Variants in NPY1R observed in about 807,000 individuals in gnomAD.
NPY1R encodes neuropeptide Y receptor Y1, also known as neuropeptide Y receptor type 1.
Under a neutral mutation model 24.1 loss-of-function variants are expected in NPY1R, and 10 were observed. The ratio of observed to expected loss-of-function variants is 0.42; its 90% confidence interval spans 0.26 to 0.71. NPY1R has a LOEUF of 0.71. NPY1R is among the 30% of genes least tolerant of loss of function. The pLI, the probability that NPY1R is intolerant of heterozygous loss-of-function variation, is 0.28. For synonymous variants in NPY1R, 168 were observed against 165.9 expected, an observed-to-expected ratio of 1.01 and a Z score of -0.10; for missense variants, 350 against 458.0, an observed-to-expected ratio of 0.76 and a Z score of 2.15.
At chr4:163,341,089 G>T (rs543398558) in intron 1 of NPY1R, among the ~76,000 whole-genome samples, 2 of 146,412 alleles carry the variant, frequency 1.4e-5, no homozygotes, top group East Asian at 2.0e-4. Flanking sequence ...TAGCTTTTGG[G>T]TTTTTTTTTT....
At chr4:163,328,470 T>C (rs1169057559) in intron 1 of NPY1R, among the ~76,000 whole-genome samples, 1 of 152,244 alleles carries the variant, frequency 6.6e-6, no homozygotes, top group Non-Finnish European at 1.5e-5. Context: ...TTAACATGAC[T>C]TATCAATTAA....
chr4:163,325,265 A>T lies in NPY1R; in HGVS notation c.*38T>A. On this transcript the variant is annotated 3_prime_UTR_variant, in exon 3 of 3. Coordinates refer to ENST00000296533, the MANE Select transcript of NPY1R (RefSeq NM_000909.6). ...TATGTTGCAGGTTGTGCTTGTTTTT[A>T]AACAGATGTCATCCGGGACCATAGG... is the stretch of plus-strand genomic sequence containing the variant. 1 of 1,451,394 alleles carries T rather than the reference A, an allele frequency of 6.9e-7. No individual in the cohort carries two copies. The highest frequency in any genetic ancestry group is 9.5e-7 in the Non-Finnish European group (1 of 1,057,968). The allele number at this position is 1,451,394 out of a possible 1,614,324, so 89.9% of individuals were successfully genotyped here.
At chr4:163,335,679 A>G (rs1734825411), upstream of NPY1R, among the ~76,000 whole-genome samples, 1 of 152,152 alleles carries the variant, frequency 6.6e-6, no homozygotes, top group Non-Finnish European at 1.5e-5. Flanking sequence ...GAAGCACGTC[A>G]GTGAATCAGT....
At position 163,332,471 on chromosome 4, in the gene NPY1R, T is replaced by G. The variant is rs1388512467; in HGVS notation, c.-152+11A>C. 1 of 152,230 alleles carries G rather than the reference T, an allele frequency of 6.6e-6. No individual in the cohort carries two copies. Among genetic ancestry groups the G allele is most frequent in the African/African-American group, 2.4e-5 (1 of 41,440 alleles). 9.4% of individuals were successfully genotyped at this position (152,230 alleles called of 1,614,324 possible). On this transcript the variant is annotated intron_variant, in intron 1 of 2. Transcript: ENST00000296533. ...CAGAAGTCTCTGGAAAGGCATAAAC[T>G]CGCAACTTACCCTCTTTGGAATTTG...
At chr4:163,338,569 T>C (rs1734900602) in intron 1 of NPY1R, among the ~76,000 whole-genome samples, 1 of 152,148 alleles carries the variant, frequency 6.6e-6, no homozygotes, top group African/African-American at 2.4e-5. Flanking sequence ...GTTCTCTTGC[T>C]AGGAGGGACT....
intron 1 of NPY1R, among the ~76,000 whole-genome samples, chr4:163,329,812 A>G (rs926986974): frequency 7.5e-6 from 1 of 132,984 alleles, no homozygotes; most frequent in Non-Finnish European, 1.7e-5. Context: ...TGGTGTGCTA[A>G]GTAGCAATAA....
intron 1 of NPY1R, among the ~76,000 whole-genome samples, chr4:163,340,134 A>C (rs767561485): frequency 1.3e-5 from 2 of 152,076 alleles, no homozygotes; most frequent in Non-Finnish European, 2.9e-5. Flanking sequence ...ATTAGATTTA[A>C]AATATTAACT....
chr4:163,343,477 T>C (rs529956170), intron 1 of NPY1R, among the ~76,000 whole-genome samples: 1 of 152,112 alleles, frequency 6.6e-6, no homozygotes, highest in African/African-American at 2.4e-5. Context: ...TCTTTCTTTC[T>C]ATCACCACAC....
At chr4:163,341,103 CA>C (rs199720890) in intron 1 of NPY1R, among the ~76,000 whole-genome samples, 7 of 146,848 alleles carry the variant, frequency 4.8e-5, no homozygotes, top group Non-Finnish European at 6.0e-5. Flanking sequence ...TTTTTTTGTT[CA>C]AAAAAAAATC....
intron 1 of NPY1R, among the ~76,000 whole-genome samples, chr4:163,330,047 T>C (rs1687684388): frequency 6.6e-6 from 1 of 152,046 alleles, no homozygotes; most frequent in Admixed American, 6.5e-5. Context: ...AGAGAAGAAA[T>C]GGGGAGATTC....
chr4:163,337,083 ATCC>A (rs980654132), upstream of NPY1R, among the ~76,000 whole-genome samples: 1 of 152,186 alleles, frequency 6.6e-6, no homozygotes, highest in African/African-American at 2.4e-5. Context: ...TAAGGTAAGT[ATCC>A]TCCTTTCATT....
chr4:163,342,788 T>C (rs1735023738), intron 1 of NPY1R, among the ~76,000 whole-genome samples: 1 of 152,056 alleles, frequency 6.6e-6, no homozygotes, highest in Non-Finnish European at 1.5e-5. Flanking sequence ...TCCCAAGGGG[T>C]ACAGTTCTCT....
upstream of NPY1R, among the ~76,000 whole-genome samples, chr4:163,336,977 T>C (rs1039932970): frequency 7.2e-5 from 9 of 125,464 alleles, no homozygotes; most frequent in African/African-American, 2.3e-4. Flanking sequence ...AATAAACAAA[T>C]AAATAGGAGA....
At position 163,342,658 on chromosome 4, in the gene NPY1R, T is replaced by C. The variant is rs564358791; in HGVS notation, c.-152+1647A>G. ...CTTTGACTGATGAAATAGCAATCTA[T>C]ACAGATCCCCTGAGTATTGAATGCT... On this transcript the variant is annotated intron_variant, in intron 1 of 1. Coordinates refer to the NPY1R transcript ENST00000511901. Among the ~76,000 whole-genome samples the C allele has an allele frequency of 3.9e-5, 6 of 152,266 alleles. No homozygotes were observed. The East Asian group carries it at 7.7e-4, about 20-fold the overall frequency.
chr4:163,331,187 A>G (rs1486228686), intron 1 of NPY1R: 1 of 152,322 alleles, frequency 6.6e-6, no homozygotes, highest in Non-Finnish European at 1.5e-5. Context: ...CTGACAGACA[A>G]GCTCCACATG....
In NPY1R at chr4:163,326,337, T is replaced by C; in HGVS notation, c.218A>G (p.Asn73Ser). The C allele has an allele frequency of 1.1e-5, 18 of 1,614,084 alleles. No individual in the cohort carries two copies. Among genetic ancestry groups the C allele is most frequent in the Non-Finnish European group, 1.4e-5 (17 of 1,179,926 alleles). Residue 73 changes from asparagine (N) to serine (S), a missense_variant, in exon 2 of 3, where the codon AAT (asparagine) becomes AGT (serine). Asn to Ser is a conservative substitution (Grantham distance 46). Transcript: ENST00000296533. ...IIILKQKEMR[N>S]VTNILIVNLS... ...GTTCACAATCAGGATGTTGGTAACA[T>C]TTCTCATCTCCTTTTGTTTCAAGAT...
intron 1 of NPY1R, among the ~76,000 whole-genome samples, chr4:163,331,580 A>C (rs899521265): frequency 3.9e-5 from 6 of 152,100 alleles, no homozygotes; most frequent in African/African-American, 1.4e-4. Context: ...GAGAAAAGAT[A>C]TAAACAACCA....
chr4:163,334,215 T>C (rs191765210), upstream of NPY1R, among the ~76,000 whole-genome samples: 2 of 152,354 alleles, frequency 1.3e-5, no homozygotes, highest in Non-Finnish European at 2.9e-5. Flanking sequence ...TTTAGCCTGC[T>C]ATAAGAATTA....
chr4:163,343,796 C>G (rs376077633), intron 1 of NPY1R: 3 of 152,288 alleles, frequency 2.0e-5, no homozygotes, highest in East Asian at 3.9e-4. Context: ...GAGGCTGGCG[C>G]GGAGCAGGCG....
Sources: allele counts gnomAD v4.1 joint callset (sites outside exome capture counted in the v4.1 genomes callset), GRCh38; gene constraint gnomAD v4.1.1; transcripts MANE v1.5; gene names NCBI Gene and HGNC (gene_info 2026-07-23, HGNC 2026-07-21).